ZMYM2: variants seen among roughly 807,000 people sequenced by gnomAD.
ZMYM2 encodes the protein zinc finger MYM-type containing 2, also known as zinc finger MYM-type protein 2.
Under a neutral mutation model 162.8 loss-of-function variants are expected in ZMYM2, and 56 were observed. The ratio of observed to expected loss-of-function variants is 0.34; its 90% confidence interval spans 0.28 to 0.43. The LOEUF (loss-of-function observed/expected upper bound fraction) is 0.43. Among genes scored for constraint, ZMYM2 ranks in the 20% least tolerant of loss-of-function variants. The pLI, the probability that ZMYM2 is intolerant of heterozygous loss-of-function variation, is 1.00. For missense variants in ZMYM2, 1,275 were observed against 1,621.8 expected, an observed-to-expected ratio of 0.79 and a Z score of 3.67; for synonymous variants, 510 against 541.6, an observed-to-expected ratio of 0.94 and a Z score of 0.81.
chr13:19,909,417 T>C, the ZMYM2 span, among the ~76,000 whole-genome samples: 1 of 147,504 alleles, frequency 6.8e-6, no homozygotes, highest in Admixed American at 7.1e-5. Flanking sequence ...TTTTCTTCTT[T>C]CTCTGCCTTT....
At chr13:20,014,275 T>C (rs1258936993) in intron 6 of ZMYM2, among the ~76,000 whole-genome samples, 1 of 152,166 alleles carries the variant, frequency 6.6e-6, no homozygotes, top group Non-Finnish European at 1.5e-5. Context: ...GGTTTCACCA[T>C]GTTGGCCAGA....
At chr13:20,078,146 T>G (rs1374357675) in intron 21 of ZMYM2, among the ~76,000 whole-genome samples, 1 of 152,136 alleles carries the variant, frequency 6.6e-6, no homozygotes, top group Non-Finnish European at 1.5e-5. Context: ...AAGATGATAC[T>G]TGAAATTTTT....
chr13:20,022,454 C>G (rs1386854878), intron 7 of ZMYM2, among the ~76,000 whole-genome samples: 2 of 152,134 alleles, frequency 1.3e-5, no homozygotes, highest in Non-Finnish European at 1.5e-5. Context: ...AAGGGGATGT[C>G]TGTCAGGTTT....
At chr13:19,979,565 T>C (rs906343432) in intron 2 of ZMYM2, among the ~76,000 whole-genome samples, 3 of 152,046 alleles carry the variant, frequency 2.0e-5, no homozygotes, top group South Asian at 2.1e-4. Flanking sequence ...AAAATGGTCA[T>C]GTCTCAGTAA....
At position 19,991,067 on chromosome 13, in the gene ZMYM2, C is replaced by T. The variant is rs78991418; in HGVS notation, c.-10-1996C>T. Among the ~76,000 whole-genome samples the T allele has an allele frequency of 5.2e-5, 7 of 134,688 alleles. No homozygotes were observed. In the South Asian group the frequency reaches 7.2e-4, roughly 14 times the overall value. 88.4% of individuals were successfully genotyped at this position (134,688 alleles called of 152,430 possible). Reference sequence around the variant, plus strand: ...TTCTCTCTGTGTGTGTGTGTGTGTACGTATGTATTTTCTGTGTGTGTGTGT... The same window carrying T: ...TTCTCTCTGTGTGTGTGTGTGTGTATGTATGTATTTTCTGTGTGTGTGTGT... On this transcript the variant is annotated intron_variant, in intron 2 of 24. Coordinates refer to ENST00000610343, the MANE Select transcript of ZMYM2 (RefSeq NM_197968.4).
intron 10 of ZMYM2, among the ~76,000 whole-genome samples, chr13:20,032,353 G>T (rs1953243195): frequency 6.6e-6 from 1 of 151,812 alleles, no homozygotes; most frequent in African/African-American, 2.4e-5. Flanking sequence ...GACTGCCCAG[G>T]CTGCCCATTG....
chr13:19,920,318 A>G, the ZMYM2 span, among the ~76,000 whole-genome samples: 1 of 152,108 alleles, frequency 6.6e-6, no homozygotes, highest in East Asian at 1.9e-4. Flanking sequence ...AAATGTAAAA[A>G]CCATTTTTAG....
chr13:19,914,139 C>T, the ZMYM2 span, among the ~76,000 whole-genome samples: 1 of 152,146 alleles, frequency 6.6e-6, no homozygotes, highest in Non-Finnish European at 1.5e-5. Flanking sequence ...TTGGAAGGAA[C>T]ATGATTGGAA....
intron 2 of ZMYM2, among the ~76,000 whole-genome samples, chr13:19,960,691 C>T (rs1369628083): frequency 6.6e-6 from 1 of 152,042 alleles, no homozygotes; most frequent in Non-Finnish European, 1.5e-5. Context: ...AATGTGTTAC[C>T]AGAGAATTAT....
chr13:19,915,749 C>A, the ZMYM2 span, among the ~76,000 whole-genome samples: 2 of 151,610 alleles, frequency 1.3e-5, no homozygotes, highest in Admixed American at 1.3e-4. Context: ...AGTGATCCAA[C>A]CGCCTCGCCC....
At chr13:19,893,339 A>G in the ZMYM2 span, among the ~76,000 whole-genome samples, 8 of 152,058 alleles carry the variant, frequency 5.3e-5, no homozygotes, top group East Asian at 1.2e-3. Flanking sequence ...ATTTGAAGAC[A>G]TGAAAATACA....
At chr13:20,012,829 T>G (rs4769080) in intron 6 of ZMYM2, among the ~76,000 whole-genome samples, 126,987 of 152,190 alleles carry the variant, frequency 0.83, 54,150 homozygotes, top group Non-Finnish European at 0.92. Flanking sequence ...TGTGTGATCT[T>G]ATGTATGTGC....
rs189085406 is a variant in ZMYM2 at position 20,086,235 on chromosome 13, T to C, written c.*221T>C. ...AACAAATACATTCAAATTCTTTTTT[T>C]ATTATTATTTATTTGATTAGGTATG... On this transcript the variant is annotated 3_prime_UTR_variant, in exon 25 of 25. Coordinates refer to ENST00000610343, the MANE Select transcript of ZMYM2 (RefSeq NM_197968.4). 2.9e-6 allele frequency: 1 copy of C among 346,810 alleles called. No individual in the cohort carries two copies. The highest frequency in any genetic ancestry group is 4.3e-5 in the East Asian group (1 of 23,278). The allele number at this position is 346,810 out of a possible 1,614,324, so 21.5% of individuals were successfully genotyped here.
intron 2 of ZMYM2, among the ~76,000 whole-genome samples, chr13:19,982,362 A>T (rs1957415278): frequency 7.6e-6 from 1 of 131,430 alleles, no homozygotes; most frequent in African/African-American, 2.9e-5. Context: ...ATCTTGGCTC[A>T]CTGCTACCTC....
At chr13:19,918,526 G>A in the ZMYM2 span, among the ~76,000 whole-genome samples, 378 of 127,910 alleles carry the variant, frequency 3.0e-3, 1 homozygote, top group African/African-American at 8.6e-3. Context: ...TTGAGACGGA[G>A]CTTTTGCTCT....
At chr13:20,003,489 A>G (rs990866050) in intron 4 of ZMYM2, among the ~76,000 whole-genome samples, 7 of 152,112 alleles carry the variant, frequency 4.6e-5, no homozygotes, top group African/African-American at 1.7e-4. Flanking sequence ...CAAGATTATA[A>G]AATTGGCAAG....
chr13:19,953,092 T>C, the ZMYM2 span, among the ~76,000 whole-genome samples: 7 of 152,160 alleles, frequency 4.6e-5, no homozygotes, highest in Non-Finnish European at 8.8e-5. Flanking sequence ...AGAAGGCCCA[T>C]GACAGATGCC....
intron 12 of ZMYM2, among the ~76,000 whole-genome samples, chr13:20,046,468 C>T (rs1281082340): frequency 2.7e-5 from 4 of 150,722 alleles, no homozygotes; most frequent in Admixed American, 2.0e-4. Flanking sequence ...GTGGAAGGAT[C>T]ACTTGAGTTC....
At chr13:20,014,762 G>GTTTT (rs71070286) in intron 6 of ZMYM2, among the ~76,000 whole-genome samples, 1,414 of 92,580 alleles carry the variant, frequency 0.015, 16 homozygotes, top group African/African-American at 0.043. Flanking sequence ...TTTACTTTAG[G>GTTTT]TTTTTTTTTT....
Sources: gnomAD v4.1 joint callset for allele counts (sites outside exome capture counted in the v4.1 genomes callset) on GRCh38, gnomAD v4.1.1 for gene constraint, MANE v1.5 for transcripts, NCBI Gene and HGNC (gene_info 2026-07-23, HGNC 2026-07-21) for gene names.